TXNDC15: variants seen among roughly 807,000 people sequenced by gnomAD.
TXNDC15 encodes the protein thioredoxin domain containing 15.
Under a neutral mutation model 35.0 loss-of-function variants are expected in TXNDC15, and 24 were observed. That is an observed-to-expected ratio of 0.68 (90% CI 0.50 to 0.96). The LOEUF is 0.96. TXNDC15 is among the 40% of genes least tolerant of loss of function. The pLI is 0.00. For missense variants in TXNDC15, 385 were observed against 453.3 expected (o/e 0.85, Z 1.37); for synonymous variants, 169 against 174.0 (o/e 0.97, Z 0.23).
intron 1 of TXNDC15, among the ~76,000 whole-genome samples, chr5:134,884,238 G>A (rs1750228049): frequency 6.7e-6 from 1 of 149,998 alleles, no homozygotes; most frequent in African/African-American, 2.5e-5. Context: ...AAAAAAAAAG[G>A]GTACAATTTG....
At chr5:134,888,576 T>C (rs911769006) in intron 2 of TXNDC15, among the ~76,000 whole-genome samples, 19 of 152,156 alleles carry the variant, frequency 1.2e-4, no homozygotes, top group African/African-American at 4.6e-4. Flanking sequence ...CTCCGCCTCC[T>C]GAGTTCAAAT....
chr5:134,883,310 A>G (rs1750198638), intron 1 of TXNDC15, among the ~76,000 whole-genome samples: 1 of 152,172 alleles, frequency 6.6e-6, no homozygotes, highest in Non-Finnish European at 1.5e-5. Context: ...CTGTAATCCC[A>G]GCTATTCAGG....
rs1750316232 is a variant in TXNDC15 at position 134,888,118 on chromosome 5, A to T, written c.527A>T (p.Asn176Ile). Residue 176 changes from asparagine to isoleucine, a missense_variant, in exon 2 of 5, where the codon AAC becomes ATC. Coordinates refer to ENST00000358387, the MANE Select transcript of TXNDC15 (RefSeq NM_024715.4). ...GAAAGTCTGAAATCCCCAAAGGTGA[A>T]CTGTGAGGAGAGAAACATTACAGGA... The part of the protein sequence containing the change: ...NTESLKSPKV[N>I]CEERNITGLE... 2 of 1,614,030 alleles carry T rather than the reference A, an allele frequency of 1.2e-6. No individual in the cohort carries two copies. The highest frequency in any genetic ancestry group is 1.7e-6 in the Non-Finnish European group (2 of 1,179,998).
At chr5:134,874,278 C>G (rs572745132), upstream of TXNDC15, 492 of 622,154 alleles carry the variant, frequency 7.9e-4, 3 homozygotes, top group Middle Eastern at 5.7e-3. Context: ...GCCGTCCGCC[C>G]GACTCCAAGA....
intron 1 of TXNDC15, among the ~76,000 whole-genome samples, chr5:134,881,703 T>C (rs1168175871): frequency 1.4e-5 from 2 of 147,314 alleles, no homozygotes; most frequent in East Asian, 4.1e-4. Context: ...AGCTGTTGGG[T>C]ACACCTCCCA....
At chr5:134,884,237 G>A (rs1355372668) in intron 1 of TXNDC15, among the ~76,000 whole-genome samples, 96 of 137,096 alleles carry the variant, frequency 7.0e-4, no homozygotes, top group African/African-American at 2.7e-3. Context: ...AAAAAAAAAA[G>A]GGTACAATTT....
chr5:134,887,319 G>A lies in TXNDC15; in HGVS notation c.104-376G>A, dbSNP rs929457100. On this transcript the variant is annotated intron_variant, in intron 1 of 4. Coordinates refer to ENST00000358387, the MANE Select transcript of TXNDC15 (RefSeq NM_024715.4). ...CTTGCCTCAGCCTCCCTAGTAGCTG[G>A]GATTACAGGTGCCTGCCACCATGCC... Among the ~76,000 whole-genome samples the A allele has an allele frequency of 1.7e-4, 26 of 152,084 alleles. 1 individual carries two copies. The highest frequency in any genetic ancestry group is 5.8e-4 in the African/African-American group (24 of 41,406).
Position 134,900,725 on chromosome 5 carries a change from A to T in TXNDC15, c.*1040A>T, listed in dbSNP as rs2150192483. The T allele has an allele frequency of 6.6e-6, 1 of 152,292 alleles. No individual in the cohort carries two copies. The highest frequency in any genetic ancestry group is 2.1e-4 in the South Asian group (1 of 4,822). 9.4% of individuals were successfully genotyped at this position (152,292 alleles called of 1,614,324 possible). A position where few individuals can be genotyped will look rare whatever the true frequency, so the allele number is the denominator to read the frequency against. Reference sequence around the variant, plus strand: ...GAAGTGTAAAACACTGTTCTTGCCCACAAGTTGATTCTAGTCTAGTTCAAG... The same window carrying T: ...GAAGTGTAAAACACTGTTCTTGCCCTCAAGTTGATTCTAGTCTAGTTCAAG... On this transcript the variant is annotated 3_prime_UTR_variant, in exon 5 of 5. Coordinates refer to ENST00000358387, the MANE Select transcript of TXNDC15 (RefSeq NM_024715.4).
At position 134,893,519 on chromosome 5, in the gene TXNDC15, G is replaced by A. The variant is rs147527860; in HGVS notation, c.619G>A (p.Gly207Ser). ...CCTTATGGATTTTCTGAACCCAAAC[G>A]GTAGTGACTGTACTCTAGTCCTGTT... is the stretch of plus-strand genomic sequence containing the variant. ...QDLMDFLNPN[G>S]SDCTLVLFYT... The change falls in exon 3 of 5, where the codon GGT becomes AGT. Residue 207 changes from glycine to serine, a missense_variant. By Grantham distance (56) the Gly-to-Ser change is moderately conservative. Transcript: ENST00000358387. 145 of 1,614,106 alleles carry A rather than the reference G, an allele frequency of 9.0e-5. 1 individual carries two copies. Among genetic ancestry groups the A allele is most frequent in the African/African-American group, 4.8e-4 (36 of 75,024 alleles).
chr5:134,880,441 T>C (rs1750118929), intron 1 of TXNDC15, among the ~76,000 whole-genome samples: 1 of 129,644 alleles, frequency 7.7e-6, no homozygotes, highest in Admixed American at 7.5e-5. Context: ...TCACTTATTA[T>C]TTTTTTTTTT....
chr5:134,893,291 A>C, intron 2 of TXNDC15: 1 of 537,274 alleles, frequency 1.9e-6, no homozygotes, highest in Non-Finnish European at 3.3e-6. Context: ...GAAAGTTTAT[A>C]ACTTGTCATT....
At chr5:134,878,720 C>T (rs929588816) in intron 1 of TXNDC15, among the ~76,000 whole-genome samples, 4 of 152,144 alleles carry the variant, frequency 2.6e-5, no homozygotes, top group African/African-American at 4.8e-5. Flanking sequence ...CATTACCAGT[C>T]GGGTGCAGTG....
At chr5:134,896,191 A>C in intron 3 of TXNDC15, 103 bp from the exon 4 acceptor site, 1 of 1,388,570 alleles carries the variant, frequency 7.2e-7, no homozygotes, top group South Asian at 1.4e-5. Flanking sequence ...CGTAGGTCAC[A>C]CGCAACTTCC....
At chr5:134,874,084 CT>C, upstream of TXNDC15, 1 of 210,532 alleles carries the variant, frequency 4.7e-6, no homozygotes, top group Non-Finnish European at 9.5e-6. Context: ...GAAAACCCTC[CT>C]TAGGCGGGCG....
At position 134,874,405 on chromosome 5, in the gene TXNDC15, C is replaced by T; in HGVS notation, c.-23C>T. 2 of 1,576,220 alleles carry T rather than the reference C, an allele frequency of 1.3e-6. No homozygotes were observed. Among genetic ancestry groups the T allele is most frequent in the Non-Finnish European group, 1.7e-6 (2 of 1,166,452 alleles). On this transcript the variant is annotated 5_prime_UTR_variant, in exon 1 of 5. Transcript: ENST00000358387. ...GCAGCACGACTCGCGTAGCCGTGCG[C>T]CGATTGCCTCTCGGCCTGGGCAATG... is the stretch of plus-strand genomic sequence containing the variant.
At chr5:134,885,622 A>G (rs1020909186) in intron 1 of TXNDC15, among the ~76,000 whole-genome samples, 3 of 152,276 alleles carry the variant, frequency 2.0e-5, no homozygotes, top group Non-Finnish European at 4.4e-5. Flanking sequence ...CTGTCTTGCA[A>G]ACTATGGCTT....
intron 1 of TXNDC15, 151 bp downstream of exon 1, chr5:134,874,681 C>T: frequency 1.5e-6 from 1 of 652,706 alleles, no homozygotes; most frequent in Non-Finnish European, 2.4e-6. Flanking sequence ...TCTCCCCGCG[C>T]ACCGCCCGCT....
At chr5:134,886,108 T>C (rs1750270607) in intron 1 of TXNDC15, among the ~76,000 whole-genome samples, 1 of 151,100 alleles carries the variant, frequency 6.6e-6, no homozygotes, top group Non-Finnish European at 1.5e-5. Flanking sequence ...CCCAAATACA[T>C]TGATCTGATC....
At chr5:134,875,187 C>T (rs1750007600) in intron 1 of TXNDC15, 1 of 456,132 alleles carries the variant, frequency 2.2e-6, no homozygotes, top group Non-Finnish European at 4.4e-6. Context: ...CCCAACTTGC[C>T]GGTAGGGAAG....
Sources: allele counts gnomAD v4.1 joint callset (sites outside exome capture counted in the v4.1 genomes callset), GRCh38; gene constraint gnomAD v4.1.1; transcripts MANE v1.5; gene names NCBI Gene and HGNC (gene_info 2026-07-23, HGNC 2026-07-21).